CNOT2: variants seen among roughly 807,000 people sequenced by gnomAD.
The protein encoded by CNOT2 is CCR4-NOT transcription complex subunit 2, also known as CC chemokine receptor 4-negative regulator of transcription 2.
Under a neutral mutation model 72.1 loss-of-function variants are expected in CNOT2, and 7 were observed. The observed-to-expected ratio is 0.10, with a 90% CI of 0.06 to 0.18. The LOEUF is 0.18. Among genes scored for constraint, CNOT2 ranks in the 10% least tolerant of loss-of-function variants. The probability of loss-of-function intolerance (pLI) is 1.00; values close to 1 mark genes in which losing one functional copy is unlikely to be tolerated. For missense variants in CNOT2, 345 were observed against 660.3 expected (o/e 0.52, Z 5.23); for synonymous variants, 196 against 225.6 (o/e 0.87, Z 1.17).
chr12:70,346,381 T>A (rs767326605), intron 15 of CNOT2, 57 bp downstream of exon 15: 2 of 1,437,992 alleles, frequency 1.4e-6, no homozygotes, highest in Non-Finnish European at 2.0e-6. Flanking sequence ...AGAAGTGTCC[T>A]CTTTTATCTG....
At chr12:70,339,736 C>T (rs1881241010) in intron 11 of CNOT2, among the ~76,000 whole-genome samples, 1 of 152,062 alleles carries the variant, frequency 6.6e-6, no homozygotes, top group East Asian at 1.9e-4. Flanking sequence ...TTCTGCATGC[C>T]CCTAATACCT....
At chr12:70,346,945 C>G (rs1227867375) in intron 15 of CNOT2, among the ~76,000 whole-genome samples, 1 of 139,872 alleles carries the variant, frequency 7.1e-6, no homozygotes, top group Non-Finnish European at 1.6e-5. Context: ...TTCATACCTG[C>G]ATTTAGTACG....
chr12:70,346,378 TC>T, intron 15 of CNOT2, 54 bp downstream of exon 15: 1 of 1,430,164 alleles, frequency 7.0e-7, no homozygotes, highest in Non-Finnish European at 9.8e-7. Context: ...AAAAGAAGTG[TC>T]CTCTTTTATC....
At chr12:70,303,616 G>C (rs1874563978) in intron 2 of CNOT2, among the ~76,000 whole-genome samples, 1 of 152,162 alleles carries the variant, frequency 6.6e-6, no homozygotes, top group African/African-American at 2.4e-5. Flanking sequence ...CCCTTTGTGG[G>C]TAACCCGACC....
At chr12:70,293,594 C>A (rs1872317550) in intron 2 of CNOT2, among the ~76,000 whole-genome samples, 1 of 152,098 alleles carries the variant, frequency 6.6e-6, no homozygotes, top group Admixed American at 6.5e-5. Context: ...TTTTTATCAG[C>A]ATGGAGCAGT....
intron 4 of CNOT2, chr12:70,322,041 T>A (rs1210836988): frequency 6.6e-6 from 1 of 151,854 alleles, no homozygotes; most frequent in African/African-American, 2.4e-5. Context: ...CATACTCTTG[T>A]ATTCAAGTTG....
chr12:70,245,762 C>T (rs537329419), intron 1 of CNOT2, among the ~76,000 whole-genome samples: 2 of 152,108 alleles, frequency 1.3e-5, no homozygotes, highest in Non-Finnish European at 2.9e-5. Flanking sequence ...CAGAATGATA[C>T]AACTTCCCAT....
At chr12:70,319,747 C>T (rs1434146428) in intron 4 of CNOT2, among the ~76,000 whole-genome samples, 7 of 151,232 alleles carry the variant, frequency 4.6e-5, no homozygotes, top group Admixed American at 1.3e-4. Context: ...TGTATGTGCA[C>T]GCCTGTTTAT....
intron 15 of CNOT2, among the ~76,000 whole-genome samples, chr12:70,353,175 C>T (rs995442166): frequency 2.6e-5 from 4 of 151,256 alleles, no homozygotes; most frequent in African/African-American, 4.9e-5. Context: ...CAGGTTCAAG[C>T]GATTCTCCTG....
chr12:70,333,370 A>G (rs1880232380), intron 7 of CNOT2, among the ~76,000 whole-genome samples: 1 of 151,958 alleles, frequency 6.6e-6, no homozygotes, highest in Non-Finnish European at 1.5e-5. Context: ...TTACATGGAA[A>G]ACCAACTCTG....
intron 1 of CNOT2, among the ~76,000 whole-genome samples, chr12:70,257,926 T>A (rs1383219722): frequency 6.6e-6 from 1 of 152,238 alleles, no homozygotes; most frequent in Admixed American, 6.5e-5. Context: ...TTACATTCTC[T>A]GCAGCTCTGT....
intron 2 of CNOT2, among the ~76,000 whole-genome samples, chr12:70,283,476 G>GATAC (rs1230218582): frequency 1.4e-5 from 2 of 143,444 alleles, no homozygotes; most frequent in African/African-American, 5.1e-5. Flanking sequence ...TTGATAGATA[G>GATAC]ATAGATAGAT....
At chr12:70,312,444 A>C (rs1204902878) in intron 3 of CNOT2, among the ~76,000 whole-genome samples, 1 of 151,924 alleles carries the variant, frequency 6.6e-6, no homozygotes, top group Non-Finnish European at 1.5e-5. Flanking sequence ...ACTGAAATCT[A>C]AAAGTATATA....
intron 1 of CNOT2, among the ~76,000 whole-genome samples, chr12:70,254,365 G>A (rs982798608): frequency 6.6e-6 from 1 of 152,090 alleles, no homozygotes; most frequent in Non-Finnish European, 1.5e-5. Flanking sequence ...AGTTACTAAT[G>A]TGAATAAGGG....
intron 1 of CNOT2, among the ~76,000 whole-genome samples, chr12:70,275,450 C>T (rs1345655671): frequency 1.3e-5 from 2 of 152,018 alleles, no homozygotes; most frequent in African/African-American, 4.8e-5. Flanking sequence ...GTGCTTCAGC[C>T]TCAAAACTAC....
intron 2 of CNOT2, among the ~76,000 whole-genome samples, chr12:70,305,066 C>T (rs1382989199): frequency 2.6e-5 from 4 of 152,194 alleles, no homozygotes; most frequent in East Asian, 1.9e-4. Flanking sequence ...AGGTGCCATT[C>T]GTCACCCCTT....
At chr12:70,288,910 G>A (rs954181660) in intron 2 of CNOT2, among the ~76,000 whole-genome samples, 14 of 151,898 alleles carry the variant, frequency 9.2e-5, no homozygotes, top group African/African-American at 2.7e-4. Flanking sequence ...TTATTTCTGC[G>A]TTTTATTATC....
At chr12:70,316,590 T>G (rs1487116308) in intron 3 of CNOT2, among the ~76,000 whole-genome samples, 1 of 152,210 alleles carries the variant, frequency 6.6e-6, no homozygotes, top group Non-Finnish European at 1.5e-5. Flanking sequence ...TACATGAATG[T>G]GTTGAAGGTT....
chr12:70,329,395 A>T, intron 4 of CNOT2, 28 bp from the exon 5 acceptor site: 4 of 1,354,648 alleles, frequency 3.0e-6, no homozygotes, highest in South Asian at 1.2e-5. Context: ...ATGGCAATGA[A>T]TTTCCTTCTT....
Sources: allele counts gnomAD v4.1 joint callset (sites outside exome capture counted in the v4.1 genomes callset), GRCh38; gene constraint gnomAD v4.1.1; transcripts MANE v1.5; gene names NCBI Gene and HGNC (gene_info 2026-07-23, HGNC 2026-07-21).